Variants in MARCHF1 observed in about 807,000 individuals in gnomAD.
MARCHF1 encodes membrane associated ring-CH-type finger 1.
MARCHF1 carries 40 observed loss-of-function variants against 54.2 expected under a neutral mutation model. The observed-to-expected ratio is 0.74, with a 90% CI of 0.57 to 0.96. MARCHF1 has a LOEUF of 0.96. Among genes scored for constraint, MARCHF1 ranks in the 40% least tolerant of loss-of-function variants. The probability of loss-of-function intolerance (pLI) is 0.00; values close to 1 mark genes in which losing one functional copy is unlikely to be tolerated. For missense variants in MARCHF1, 586 were observed against 656.5 expected, an observed-to-expected ratio of 0.89 and a Z score of 1.17; for synonymous variants, 236 against 236.3, an observed-to-expected ratio of 1.00 and a Z score of 0.01.
At chr4:164,115,532 T>C (rs1399450147) in intron 1 of MARCHF1, among the ~76,000 whole-genome samples, 2 of 152,100 alleles carry the variant, frequency 1.3e-5, no homozygotes, top group Non-Finnish European at 2.9e-5. Flanking sequence ...AAAGAATATT[T>C]ATTCAGACTA....
intron 3 of MARCHF1, among the ~76,000 whole-genome samples, chr4:163,938,821 C>A (rs1751853190): frequency 6.6e-6 from 1 of 152,080 alleles, no homozygotes; most frequent in Admixed American, 6.6e-5. Context: ...AAGCAGGAAG[C>A]AGGGAACTCC....
rs70948664 is a variant in MARCHF1, at chr4:163,751,133, T to TTGTGTGTGTG, written c.112-50280_112-50271dup. Among the ~76,000 whole-genome samples the TTGTGTGTGTG allele has an allele frequency of 2.2e-4, 33 of 147,390 alleles. 1 individual carries two copies. The South Asian group carries it at 6.1e-3, about 27-fold the overall frequency. ...GACAGAGGTGTCAGCTATTACCACTTTGTGTGTGTGTGTGTGTGTGTGTGT... is the reference window on the plus strand; with the variant it reads ...GACAGAGGTGTCAGCTATTACCACTTTGTGTGTGTGTGTGTGTGTGTGTGTGTGTGTGTGT... On this transcript the variant is annotated intron_variant, in intron 4 of 9. Transcript: ENST00000514618.
intron 2 of MARCHF1, among the ~76,000 whole-genome samples, chr4:164,075,705 T>C (rs1212201767): frequency 6.6e-6 from 1 of 152,230 alleles, no homozygotes; most frequent in African/African-American, 2.4e-5. Flanking sequence ...ATTTGGTCTT[T>C]AGGACATTTC....
chr4:163,732,537 A>C (rs1745874859), intron 4 of MARCHF1, among the ~76,000 whole-genome samples: 1 of 152,168 alleles, frequency 6.6e-6, no homozygotes. Context: ...AAGTAGAAAA[A>C]CATGAAGAAA....
intron 1 of MARCHF1, among the ~76,000 whole-genome samples, chr4:164,295,271 G>T (rs1174162503): frequency 6.6e-6 from 1 of 152,136 alleles, no homozygotes; most frequent in Non-Finnish European, 1.5e-5. Context: ...CACAGGAAGG[G>T]TATCTTTCAC....
intron 1 of MARCHF1, among the ~76,000 whole-genome samples, chr4:164,216,545 CA>C (rs1363388305): frequency 6.6e-6 from 1 of 151,956 alleles, no homozygotes; most frequent in African/African-American, 2.4e-5. Context: ...AGTTGGAACC[CA>C]GGGGCAAACA....
chr4:163,740,494 T>A (rs577067575), intron 4 of MARCHF1, among the ~76,000 whole-genome samples: 1 of 152,244 alleles, frequency 6.6e-6, no homozygotes, highest in East Asian at 1.9e-4. Context: ...CATGGCCCAA[T>A]CACCACTGAG....
At chr4:164,141,737 C>A (rs1009174151) in intron 1 of MARCHF1, among the ~76,000 whole-genome samples, 5 of 152,188 alleles carry the variant, frequency 3.3e-5, no homozygotes, top group Non-Finnish European at 7.3e-5. Context: ...TTATAAATAA[C>A]CCTGGTGCCC....
chr4:163,611,992 T>A (rs1741357462), intron 7 of MARCHF1, among the ~76,000 whole-genome samples: 1 of 152,114 alleles, frequency 6.6e-6, no homozygotes, highest in Admixed American at 6.6e-5. Context: ...ATAACTAGAA[T>A]GAGTGCAAGA....
intron 8 of MARCHF1, among the ~76,000 whole-genome samples, chr4:163,567,528 G>T (rs956648387): frequency 6.6e-6 from 1 of 152,156 alleles, no homozygotes; most frequent in Non-Finnish European, 1.5e-5. Flanking sequence ...TTTTGGGAGG[G>T]ACCCAGTGGG....
intron 3 of MARCHF1, among the ~76,000 whole-genome samples, chr4:163,949,916 G>T (rs1427225565): frequency 6.6e-6 from 1 of 152,204 alleles, no homozygotes; most frequent in Admixed American, 6.5e-5. Flanking sequence ...GCAGAGAGGA[G>T]ACCCAACGTG....
intron 3 of MARCHF1, among the ~76,000 whole-genome samples, chr4:163,907,491 T>C (rs1229984102): frequency 6.6e-6 from 1 of 152,130 alleles, no homozygotes; most frequent in East Asian, 1.9e-4. Flanking sequence ...AATGGCCCCA[T>C]GTAAACAAAG....
chr4:164,057,666 T>C (rs907417544), intron 2 of MARCHF1, among the ~76,000 whole-genome samples: 10 of 152,142 alleles, frequency 6.6e-5, no homozygotes, highest in Admixed American at 5.9e-4. Context: ...ATAGAAAGCA[T>C]GGGCTAAGGC....
At chr4:163,602,475 G>A (rs1184486091) in intron 7 of MARCHF1, among the ~76,000 whole-genome samples, 1 of 152,006 alleles carries the variant, frequency 6.6e-6, no homozygotes, top group Non-Finnish European at 1.5e-5. Context: ...GAGAAAAGTT[G>A]GAAGCAAGAC....
chr4:163,605,906 C>T (rs566541884), intron 7 of MARCHF1, among the ~76,000 whole-genome samples: 15 of 151,686 alleles, frequency 9.9e-5, no homozygotes, highest in Admixed American at 1.3e-4. Context: ...GGGCCTGTTG[C>T]GGGTTGGGGG....
intron 3 of MARCHF1, among the ~76,000 whole-genome samples, chr4:163,861,827 C>G (rs1187938367): frequency 6.6e-6 from 1 of 151,166 alleles, no homozygotes; most frequent in East Asian, 1.9e-4. Flanking sequence ...CCAAAATTTA[C>G]TATAAAGTTA....
intron 1 of MARCHF1, among the ~76,000 whole-genome samples, chr4:164,135,946 T>C (rs755167968): frequency 3.3e-5 from 5 of 152,324 alleles, no homozygotes; most frequent in African/African-American, 7.2e-5. Context: ...ATATTTTTTA[T>C]ACTTAAGCCC....
At chr4:163,831,900 T>TA (rs1179768851) in intron 4 of MARCHF1, among the ~76,000 whole-genome samples, 10 of 152,174 alleles carry the variant, frequency 6.6e-5, no homozygotes, top group African/African-American at 1.7e-4. Flanking sequence ...AAGGTCCTCA[T>TA]ACATGCACCA....
intron 1 of MARCHF1, among the ~76,000 whole-genome samples, chr4:164,371,196 C>G (rs1371521205): frequency 1.3e-5 from 2 of 152,098 alleles, no homozygotes; most frequent in Non-Finnish European, 2.9e-5. Flanking sequence ...GAACAATTGG[C>G]TGTACCTTTT....
Sources: gnomAD v4.1 joint callset for allele counts (sites outside exome capture counted in the v4.1 genomes callset) on GRCh38, gnomAD v4.1.1 for gene constraint, MANE v1.5 for transcripts, NCBI Gene and HGNC (gene_info 2026-07-23, HGNC 2026-07-21) for gene names.